Variants in DAP3 observed in about 807,000 individuals in gnomAD.
The protein encoded by DAP3 is small ribosomal subunit protein mS29.
In DAP3, 28 loss-of-function variants were observed where a neutral mutation model predicts 51.9. The ratio of observed to expected loss-of-function variants is 0.54; its 90% CI spans 0.40 to 0.74. The LOEUF is 0.74. Among genes scored for constraint, DAP3 ranks in the 30% least tolerant of loss-of-function variants. The pLI is 0.00. For synonymous variants in DAP3, 170 were observed against 170.3 expected (o/e 1.00, Z 0.01); for missense variants, 458 against 483.5 (o/e 0.95, Z 0.49).
At chr1:155,711,584 T>G (rs995249225) in intron 2 of DAP3, among the ~76,000 whole-genome samples, 17 of 72,314 alleles carry the variant, frequency 2.4e-4, no homozygotes, top group Non-Finnish European at 4.2e-4. Context: ...GAAAGTTTTG[T>G]TTTTTTTTTT....
At chr1:155,704,758 T>A (rs1028749089) in intron 1 of DAP3, among the ~76,000 whole-genome samples, 1 of 152,020 alleles carries the variant, frequency 6.6e-6, no homozygotes, top group Non-Finnish European at 1.5e-5. Flanking sequence ...GGCGGGAGGA[T>A]CACTTAAGGT....
At position 155,729,284 on chromosome 1, in the gene DAP3, G is replaced by T. The variant is rs756299657; in HGVS notation, c.761G>T (p.Gly254Val). The part of the protein sequence containing the change: ...LKELKRQSSL[G>V]MFHLLVAVDG... ...GAGCTAAAGAGGCAAAGTTCTTTGG[G>T]TATGTTTCACCTCCTAGTGGCCGTG... Residue 254 changes from glycine to valine, a missense_variant, in exon 9 of 13, where the codon GGT becomes GTT. Physicochemically the swap from Gly to Val is moderately radical, Grantham distance 109 (BLOSUM62 -3). Coordinates refer to ENST00000368336, the MANE Select transcript of DAP3 (RefSeq NM_004632.4). 14 of 1,614,034 alleles carry T rather than the reference G, an allele frequency of 8.7e-6. No individual in the cohort carries two copies. The highest frequency in any genetic ancestry group is 1.6e-4 in the Middle Eastern group (1 of 6,082).
At chr1:155,710,576 A>G (rs1656573307) in intron 2 of DAP3, 1 of 152,098 alleles carries the variant, frequency 6.6e-6, no homozygotes, top group Admixed American at 6.6e-5. Flanking sequence ...AAGATGCCTC[A>G]TTTCACTAAT....
At chr1:155,725,840 A>G in intron 5 of DAP3, 87 bp from the exon 6 acceptor site, 1 of 1,293,902 alleles carries the variant, frequency 7.7e-7, no homozygotes, top group Non-Finnish European at 1.1e-6. Context: ...CTCCAACCCC[A>G]TCTCAAAAAA....
chr1:155,722,284 G>A (rs1658099572), intron 4 of DAP3, among the ~76,000 whole-genome samples: 1 of 152,146 alleles, frequency 6.6e-6, no homozygotes, highest in South Asian at 2.1e-4. Flanking sequence ...ATGCACACCT[G>A]TAGTCACAGC....
chr1:155,707,657 C>T (rs1170501960), intron 1 of DAP3, among the ~76,000 whole-genome samples: 1 of 152,070 alleles, frequency 6.6e-6, no homozygotes, highest in Admixed American at 6.6e-5. Context: ...TATCAGTTTC[C>T]TTGTGTGCCC....
chr1:155,692,134 G>A (rs1028551002), intron 1 of DAP3, among the ~76,000 whole-genome samples: 1 of 141,804 alleles, frequency 7.1e-6, no homozygotes, highest in Non-Finnish European at 1.5e-5. Context: ...TAGTTAGCTG[G>A]TGGGAGTGGG....
chr1:155,717,721 A>G (rs1357582658), intron 3 of DAP3, among the ~76,000 whole-genome samples: 1 of 152,202 alleles, frequency 6.6e-6, no homozygotes, highest in African/African-American at 2.4e-5. Context: ...AATTTTTCTA[A>G]TAACCAATCT....
chr1:155,726,113 C>CTTTTTTTTTT (rs377658512), intron 6 of DAP3, 94 bp downstream of exon 6: 45 of 676,936 alleles, frequency 6.6e-5, no homozygotes, highest in African/African-American at 1.9e-4. Flanking sequence ...CTTTTCTTTT[C>CTTTTTTTTTT]TTTTTTTTTT....
intron 4 of DAP3, among the ~76,000 whole-genome samples, chr1:155,722,551 T>C (rs1029358522): frequency 6.6e-6 from 1 of 152,118 alleles, no homozygotes; most frequent in Non-Finnish European, 1.5e-5. Flanking sequence ...TGTATCTTTA[T>C]TTAGAAAAGA....
At chr1:155,702,797 C>T (rs968019837) in intron 1 of DAP3, among the ~76,000 whole-genome samples, 6 of 152,126 alleles carry the variant, frequency 3.9e-5, no homozygotes, top group Admixed American at 6.6e-5. Flanking sequence ...GGCGAAACTC[C>T]GTCTTTACTA....
upstream of DAP3, chr1:155,688,854 G>C: frequency 1.9e-6 from 3 of 1,598,978 alleles, no homozygotes; most frequent in Non-Finnish European, 2.6e-6. Context: ...GGAGAGGAAG[G>C]GACCGGCAAA....
rs1223209483 is a variant in DAP3 at position 155,731,382 on chromosome 1, T to A, written c.870T>A (p.Val290=). 6.2e-7 allele frequency: 1 copy of A among 1,614,130 alleles called. No individual in the cohort carries two copies. ...TTGCCCCCGAGGAATTAGCACTTGT[T>A]CACAACTTGAGGAAAATGATGAAAA... The part of the protein sequence containing the change: ...SPIAPEELAL[V]HNLRKMMKND... The change falls in exon 10 of 13, where the codon GTT becomes GTA. Residue 290 remains valine (V), a synonymous_variant. Coordinates refer to ENST00000368336, the MANE Select transcript of DAP3 (RefSeq NM_004632.4).
chr1:155,732,432 T>C (rs1659342884), intron 11 of DAP3, among the ~76,000 whole-genome samples: 1 of 151,996 alleles, frequency 6.6e-6, no homozygotes, highest in African/African-American at 2.4e-5. Context: ...GGTTTCACCA[T>C]GTTGGCCAGG....
At chr1:155,688,165 C>T (rs767977860), upstream of DAP3, 1 of 1,613,994 alleles carries the variant, frequency 6.2e-7, no homozygotes, top group South Asian at 1.1e-5. Flanking sequence ...CCGCGGATCC[C>T]TCCCGCTTGT....
intron 1 of DAP3, among the ~76,000 whole-genome samples, chr1:155,703,259 C>T (rs891642120): frequency 3.9e-5 from 6 of 152,156 alleles, no homozygotes; most frequent in African/African-American, 7.2e-5. Flanking sequence ...CACAATTCCA[C>T]GTGGCTACGG....
chr1:155,689,415 T>C, intron 1 of DAP3: 1 of 473,878 alleles, frequency 2.1e-6, no homozygotes. Context: ...ATGATGTTTG[T>C]TTGCCCTTGA....
intron 1 of DAP3, among the ~76,000 whole-genome samples, chr1:155,705,828 G>A (rs1204873289): frequency 6.6e-6 from 1 of 151,982 alleles, no homozygotes; most frequent in Non-Finnish European, 1.5e-5. Context: ...AGCCTCCTGA[G>A]TAGCTGGGAA....
chr1:155,702,713 G>C (rs141711340), intron 1 of DAP3, among the ~76,000 whole-genome samples: 1,653 of 152,302 alleles, frequency 0.011, 26 homozygotes, highest in African/African-American at 0.038. Flanking sequence ...GCTCACGCCT[G>C]TAATCCCAGC....
Sources: allele counts gnomAD v4.1 joint callset (sites outside exome capture counted in the v4.1 genomes callset), GRCh38; gene constraint gnomAD v4.1.1; transcripts MANE v1.5; gene names NCBI Gene and HGNC (gene_info 2026-07-23, HGNC 2026-07-21).